Variants in CAMTA1 observed in about 807,000 individuals in gnomAD.
CAMTA1 encodes the protein calmodulin-binding transcription activator 1.
CAMTA1 carries 27 observed loss-of-function variants against 170.9 expected under a neutral mutation model. That is an observed-to-expected ratio of 0.16 (90% CI 0.12 to 0.22). CAMTA1 has a LOEUF of 0.22. Among genes scored for constraint, CAMTA1 ranks in the 10% least tolerant of loss-of-function variants. CAMTA1 has a pLI of 1.00. For synonymous variants in CAMTA1, 833 were observed against 891.5 expected, an observed-to-expected ratio of 0.93 and a Z score of 1.17; for missense variants, 1,619 against 2,217.2, an observed-to-expected ratio of 0.73 and a Z score of 5.42.
Position 6,951,732 on chromosome 1 carries a change from C to T in CAMTA1, c.234+126522C>T, listed in dbSNP as rs1256467084. 4.6e-5 allele frequency among the ~76,000 whole-genome samples: 7 copies of T among 152,282 alleles called. No homozygotes were observed. The East Asian group carries it at 1.2e-3, about 25-fold the overall frequency. On this transcript the variant is annotated intron_variant, in intron 3 of 22. Coordinates refer to ENST00000303635, the MANE Select transcript of CAMTA1 (RefSeq NM_015215.4). ...GAGTGGGTCCAGGGTCCGGAGCCTT[C>T]CTGGGCCCTGTCCGAGGCCCAAGAG...
At chr1:7,683,911 C>T (rs971532426) in intron 11 of CAMTA1, among the ~76,000 whole-genome samples, 4 of 152,208 alleles carry the variant, frequency 2.6e-5, no homozygotes, top group Non-Finnish European at 5.9e-5. Context: ...AGCATCTTAG[C>T]CATTGGGGCT....
intron 1 of CAMTA1, among the ~76,000 whole-genome samples, chr1:6,807,674 C>T (rs1490883211): frequency 3.3e-5 from 5 of 149,422 alleles, no homozygotes; most frequent in African/African-American, 1.2e-4. Context: ...GAGCTGAGAT[C>T]GTGCCACTGC....
intron 4 of CAMTA1, among the ~76,000 whole-genome samples, chr1:7,221,914 CACACACACACACAT>C (rs1660849168): frequency 2.0e-5 from 3 of 149,972 alleles, no homozygotes; most frequent in African/African-American, 7.6e-5. Flanking sequence ...CATACACACA[CACACACACACACAT>C]ACACACACAC....
At chr1:6,937,343 A>G (rs1685521100) in intron 3 of CAMTA1, among the ~76,000 whole-genome samples, 1 of 149,212 alleles carries the variant, frequency 6.7e-6, no homozygotes, top group African/African-American at 2.5e-5. Context: ...TTCACCACTT[A>G]CCACCACCGT....
At chr1:7,697,570 T>C (rs1379318337) in intron 11 of CAMTA1, among the ~76,000 whole-genome samples, 1 of 152,208 alleles carries the variant, frequency 6.6e-6, no homozygotes. Context: ...GGAGAATAGC[T>C]GTGTATTTTA....
intron 3 of CAMTA1, among the ~76,000 whole-genome samples, chr1:6,979,059 T>C (rs1572179533): frequency 6.6e-6 from 1 of 151,976 alleles, no homozygotes; most frequent in African/African-American, 2.4e-5. Context: ...TGAGGTGAGG[T>C]TCAGTACCCC....
At chr1:7,678,817 C>T (rs912273789) in intron 11 of CAMTA1, among the ~76,000 whole-genome samples, 1 of 152,248 alleles carries the variant, frequency 6.6e-6, no homozygotes, top group African/African-American at 2.4e-5. Context: ...CCCCCTCACG[C>T]ACCCCGCACC....
At chr1:6,991,857 C>G (rs183698560) in intron 3 of CAMTA1, among the ~76,000 whole-genome samples, 1 of 152,058 alleles carries the variant, frequency 6.6e-6, no homozygotes, top group Non-Finnish European at 1.5e-5. Context: ...CACCACCATA[C>G]CTGGCTATTT....
chr1:7,434,555 G>A (rs1398649803), intron 5 of CAMTA1, among the ~76,000 whole-genome samples: 1 of 152,208 alleles, frequency 6.6e-6, no homozygotes, highest in African/African-American at 2.4e-5. Flanking sequence ...TCTAAAATGA[G>A]TCTGACATCA....
intron 6 of CAMTA1, among the ~76,000 whole-genome samples, chr1:7,470,377 A>G (rs1445836925): frequency 6.6e-6 from 1 of 152,248 alleles, no homozygotes; most frequent in Non-Finnish European, 1.5e-5. Flanking sequence ...TGCTGTGGCC[A>G]GGTTTAATTT....
intron 4 of CAMTA1, among the ~76,000 whole-genome samples, chr1:7,189,443 C>T (rs1460729681): frequency 7.2e-5 from 11 of 152,066 alleles, no homozygotes; most frequent in Admixed American, 7.2e-4. Context: ...AAGAAGAAAA[C>T]AAACAATCCC....
chr1:7,207,494 C>A (rs1476655755), intron 4 of CAMTA1, among the ~76,000 whole-genome samples: 3 of 152,204 alleles, frequency 2.0e-5, no homozygotes, highest in African/African-American at 7.2e-5. Flanking sequence ...GTATATACCA[C>A]CTAAAAATAT....
chr1:7,243,326 A>G (rs1415916889), intron 4 of CAMTA1, among the ~76,000 whole-genome samples: 3 of 152,182 alleles, frequency 2.0e-5, no homozygotes, highest in East Asian at 1.9e-4. Flanking sequence ...TTATAGATTA[A>G]CTTGGGTTTT....
chr1:7,592,445 AG>A lies in CAMTA1; in HGVS notation c.511-47954del, dbSNP rs1289697485. On this transcript the variant is annotated intron_variant, in intron 6 of 22. Coordinates refer to ENST00000303635, the MANE Select transcript of CAMTA1 (RefSeq NM_015215.4). The surrounding 1 kb of genome is among the most constrained non-coding windows in gnomAD (Gnocchi z 4.6). ...GCCCGCTTCCTAACAGGAACAGGAC[AG>A]ATATTCATGGAGTGATTGAATTGGT... Among the ~76,000 whole-genome samples, 1 of 152,200 alleles carries A rather than the reference AG, an allele frequency of 6.6e-6. No homozygotes were observed. Among genetic ancestry groups the A allele is most frequent in the African/African-American group, 2.4e-5 (1 of 41,454 alleles).
intron 1 of CAMTA1, among the ~76,000 whole-genome samples, chr1:6,794,901 T>C (rs1335504685): frequency 6.6e-6 from 1 of 151,552 alleles, no homozygotes; most frequent in Non-Finnish European, 1.5e-5. Context: ...TTTTTTTTGT[T>C]TTTTTGTTTT....
chr1:7,604,341 T>C (rs2095469627), intron 6 of CAMTA1, among the ~76,000 whole-genome samples: 1 of 152,232 alleles, frequency 6.6e-6, no homozygotes. Flanking sequence ...AGTTGGTCTT[T>C]TCACATAGTC....
At chr1:7,190,897 T>C (rs1289954921) in intron 4 of CAMTA1, among the ~76,000 whole-genome samples, 1 of 152,214 alleles carries the variant, frequency 6.6e-6, no homozygotes, top group Non-Finnish European at 1.5e-5. Flanking sequence ...AGAGGTGAAG[T>C]TACCCACCTA....
At chr1:7,731,592 AGAAAG>A (rs1340274102) in intron 11 of CAMTA1, among the ~76,000 whole-genome samples, 260 of 151,530 alleles carry the variant, frequency 1.7e-3, no homozygotes, top group Admixed American at 3.0e-3. Context: ...AAAAAAGAAA[AGAAAG>A]AAATGTGGCT....
rs183128501 is a variant in CAMTA1 at position 6,964,088 on chromosome 1, C to T, written c.235-127216C>T. Reference sequence around the variant, plus strand: ...TGGGTGTCTGGTTTGGTTGCAGTGTCCTGGGTGCTTTGGGTGGGGGCACAG... The same window carrying T: ...TGGGTGTCTGGTTTGGTTGCAGTGTTCTGGGTGCTTTGGGTGGGGGCACAG... On this transcript the variant is annotated intron_variant, in intron 3 of 22. Transcript: ENST00000303635. Among the ~76,000 whole-genome samples the T allele has an allele frequency of 8.5e-4, 129 of 151,994 alleles. 1 individual carries two copies. Among genetic ancestry groups the T allele is most frequent in the African/African-American group, 3.0e-3 (123 of 41,436 alleles).
Sources: gnomAD v4.1 joint callset for allele counts (sites outside exome capture counted in the v4.1 genomes callset) on GRCh38, gnomAD v4.1.1 for gene constraint, Gnocchi (gnomAD v3.1) non-coding constraint, MANE v1.5 for transcripts, NCBI Gene and HGNC (gene_info 2026-07-23, HGNC 2026-07-21) for gene names.